The following RNF216 variants were observed in gnomAD, a reference collection of about 807,000 sequenced individuals.
RNF216 encodes ring finger protein 216.
RNF216 carries 72 observed loss-of-function variants against 110.8 expected under a neutral mutation model. The observed-to-expected ratio is 0.65, with a 90% confidence interval of 0.54 to 0.79. The LOEUF is 0.79. Among genes scored for constraint, RNF216 ranks in the 30% least tolerant of loss-of-function variants. The pLI, the probability that RNF216 is intolerant of heterozygous loss-of-function variation, is 0.00. For missense variants in RNF216, 1,342 were observed against 1,141.2 expected (o/e 1.18, Z -2.54); for synonymous variants, 495 against 407.5 (o/e 1.21, Z -2.59).
intron 13 of RNF216, among the ~76,000 whole-genome samples, chr7:5,672,467 T>A (rs775313215): frequency 1.4e-4 from 21 of 152,316 alleles, no homozygotes; most frequent in Non-Finnish European, 2.6e-4. Context: ...ACACACATGA[T>A]GTAGTGCTTG....
intron 5 of RNF216, among the ~76,000 whole-genome samples, chr7:5,731,069 T>A (rs1214568015): frequency 6.6e-6 from 1 of 152,236 alleles, no homozygotes; most frequent in African/African-American, 2.4e-5. Context: ...CTCTGAAGTT[T>A]ATGTATCAAT....
At chr7:5,711,024 C>A (rs1374882465) in intron 13 of RNF216, among the ~76,000 whole-genome samples, 1 of 152,152 alleles carries the variant, frequency 6.6e-6, no homozygotes, top group Non-Finnish European at 1.5e-5. Context: ...CTAATCTCTA[C>A]CTTAATTTCT....
chr7:5,685,090 C>T (rs1049088659), intron 13 of RNF216, among the ~76,000 whole-genome samples: 6 of 152,116 alleles, frequency 3.9e-5, no homozygotes, highest in South Asian at 2.1e-4. Context: ...GCCCTCAAGC[C>T]GCCATCTTGG....
Position 5,729,539 on chromosome 7 carries a change from A to G in RNF216, c.1282T>C (p.Phe428Leu). ...SKLTPLDQRC[F>L]IQAADLLMAD... is the part of the protein sequence containing the mutation. The stretch of plus-strand genomic sequence containing the variant: ...ATGAGGAGGTCAGCAGCTTGGATGA[A>G]GCAGCGCTGGTCAAGAGGGGTCAAT... The change falls in exon 7 of 17, where the codon TTC becomes CTC. Residue 428 changes from phenylalanine to leucine, a missense_variant. Phe to Leu is a conservative substitution (Grantham distance 22). Transcript: ENST00000389902. 1.9e-6 allele frequency: 3 copies of G among 1,614,088 alleles called. No homozygotes were observed. Among genetic ancestry groups the G allele is most frequent in the Non-Finnish European group, 2.5e-6 (3 of 1,179,924 alleles).
intron 14 of RNF216, among the ~76,000 whole-genome samples, chr7:5,652,195 C>T (rs904854709): frequency 6.6e-6 from 1 of 152,040 alleles, no homozygotes; most frequent in African/African-American, 2.4e-5. Flanking sequence ...TTCACAGGTG[C>T]CAGGCATTTA....
intron 1 of RNF216, among the ~76,000 whole-genome samples, chr7:5,768,896 C>T (rs1462034750): frequency 3.3e-5 from 5 of 151,560 alleles, no homozygotes; most frequent in East Asian, 2.0e-4. Context: ...CTCCTGACCT[C>T]GTGATCCACC....
intron 14 of RNF216, among the ~76,000 whole-genome samples, chr7:5,643,694 T>G (rs1485395295): frequency 6.6e-6 from 1 of 152,176 alleles, no homozygotes; most frequent in Non-Finnish European, 1.5e-5. Flanking sequence ...CACATAAAAT[T>G]GACTTTTTAA....
intron 3 of RNF216, among the ~76,000 whole-genome samples, chr7:5,747,779 G>GA (rs1355347374): frequency 1.0e-5 from 1 of 98,278 alleles, no homozygotes; most frequent in African/African-American, 3.6e-5. Flanking sequence ...AAAAAAAGGG[G>GA]AAAAAAAAAG....
At chr7:5,731,946 G>A (rs1161600343) in intron 5 of RNF216, among the ~76,000 whole-genome samples, 3 of 152,132 alleles carry the variant, frequency 2.0e-5, no homozygotes, top group African/African-American at 4.8e-5. Context: ...GGGGACCCAC[G>A]TCAAAGCCTT....
chr7:5,741,327 T>C lies in RNF216; in HGVS notation c.690A>G (p.Leu230=). 1.2e-6 allele frequency: 2 copies of C among 1,614,056 alleles called. No homozygotes were observed. Among genetic ancestry groups the C allele is most frequent in the East Asian group, 4.5e-5 (2 of 44,880 alleles). ...TCAGAGACTGGAAGTAAGGATGATCTAACCAGCAGTCTTCTTCGATGGCCT... is the reference window on the plus strand; with the variant it reads ...TCAGAGACTGGAAGTAAGGATGATCCAACCAGCAGTCTTCTTCGATGGCCT... The part of the protein sequence containing the change: ...DDQAIEEDCW[L]DHPYFQSLNQ... The change falls in exon 4 of 17, where the codon TTA becomes TTG. Residue 230 remains leucine, a synonymous_variant. Coordinates refer to ENST00000389902, the MANE Select transcript of RNF216 (RefSeq NM_207111.4).
intron 9 of RNF216, among the ~76,000 whole-genome samples, chr7:5,718,795 C>T (rs977230669): frequency 6.6e-6 from 1 of 152,086 alleles, no homozygotes; most frequent in African/African-American, 2.4e-5. Flanking sequence ...GATCTGCCCA[C>T]CTCGGCCTTC....
At chr7:5,738,371 G>A (rs950921602) in intron 5 of RNF216, among the ~76,000 whole-genome samples, 1 of 152,002 alleles carries the variant, frequency 6.6e-6, no homozygotes, top group Non-Finnish European at 1.5e-5. Context: ...AATTAAAGGT[G>A]TGAACCATAT....
intron 13 of RNF216, among the ~76,000 whole-genome samples, chr7:5,664,444 G>C (rs1789372129): frequency 6.6e-6 from 1 of 152,204 alleles, no homozygotes; most frequent in African/African-American, 2.4e-5. Context: ...GATGGTGTGA[G>C]AAAGTACTGC....
intron 1 of RNF216, among the ~76,000 whole-genome samples, chr7:5,775,825 C>T (rs1390910720): frequency 5.9e-5 from 9 of 151,366 alleles, no homozygotes; most frequent in South Asian, 2.1e-4. Context: ...GCCTAGAATG[C>T]GCCACTGCAC....
At chr7:5,630,192 C>A (rs3807576) in intron 15 of RNF216, among the ~76,000 whole-genome samples, 13,352 of 152,150 alleles carry the variant, frequency 0.088, 1,738 homozygotes, top group East Asian at 0.69. Context: ...GTAGAGCTGC[C>A]TGGATGGCAG....
chr7:5,670,458 G>A (rs534088827), intron 13 of RNF216, among the ~76,000 whole-genome samples: 4 of 152,098 alleles, frequency 2.6e-5, no homozygotes, highest in Non-Finnish European at 5.9e-5. Context: ...GGTAAAAAAA[G>A]TCTTTTACTT....
chr7:5,750,985 A>C (rs1258265984), intron 3 of RNF216, among the ~76,000 whole-genome samples: 1 of 152,248 alleles, frequency 6.6e-6, no homozygotes, highest in South Asian at 2.1e-4. Flanking sequence ...CTACTTGGTT[A>C]AAACAAGGTA....
At chr7:5,764,607 C>A (rs1796104760) in intron 1 of RNF216, among the ~76,000 whole-genome samples, 1 of 151,004 alleles carries the variant, frequency 6.6e-6, no homozygotes, top group Admixed American at 6.6e-5. Flanking sequence ...AAGATTGTGC[C>A]ACTACACTCC....
intron 1 of RNF216, chr7:5,775,149 T>A (rs1206242628): frequency 6.6e-6 from 1 of 152,178 alleles, no homozygotes; most frequent in Non-Finnish European, 1.5e-5. Flanking sequence ...TTATTCACCA[T>A]GGCCATAGAA....
Sources: gnomAD v4.1 joint callset for allele counts (sites outside exome capture counted in the v4.1 genomes callset) on GRCh38, gnomAD v4.1.1 for gene constraint, MANE v1.5 for transcripts, NCBI Gene and HGNC (gene_info 2026-07-23, HGNC 2026-07-21) for gene names.